The following RABGAP1 variants were observed in gnomAD, a reference collection of about 807,000 sequenced individuals.
The protein encoded by RABGAP1 is rab GTPase-activating protein 1.
Under a neutral mutation model 137.6 loss-of-function variants are expected in RABGAP1, and 23 were observed. That is an observed-to-expected ratio of 0.17 (90% CI 0.12 to 0.24). The LOEUF (loss-of-function observed/expected upper bound fraction) is 0.24. Ranked by LOEUF, RABGAP1 falls within the 10% of genes least tolerant of loss-of-function variation. RABGAP1 has a pLI of 1.00. For synonymous variants in RABGAP1, 451 were observed against 450.7 expected, an observed-to-expected ratio of 1.00 and a Z score of -0.01; for missense variants, 906 against 1,275.8, an observed-to-expected ratio of 0.71 and a Z score of 4.42.
In RABGAP1 at chr9:123,020,297, C is replaced by A; in HGVS notation, c.1644-12C>A. The A allele has an allele frequency of 6.6e-7, 1 of 1,515,610 alleles. No homozygotes were observed. Among genetic ancestry groups the A allele is most frequent in the South Asian group, 1.4e-5 (1 of 73,952 alleles). 93.9% of individuals were successfully genotyped at this position (1,515,610 alleles called of 1,614,324 possible). On this transcript the variant is annotated splice_polypyrimidine_tract_variant and intron_variant, in intron 12 of 25. Transcript: ENST00000373647. Reference sequence around the variant, plus strand: ...TCCTTTTATGATTTATGGTTTATGGCCTTATTTTTAGGCATCTCAACTTGA... The same window carrying A: ...TCCTTTTATGATTTATGGTTTATGGACTTATTTTTAGGCATCTCAACTTGA...
rs1336139643 is a variant in RABGAP1 at position 123,097,723 on chromosome 9, A to C, written c.2629-18A>C. 1 of 1,590,386 alleles carries C rather than the reference A, an allele frequency of 6.3e-7. No homozygotes were observed. The highest frequency in any genetic ancestry group is 1.4e-5 in the African/African-American group (1 of 73,104). ...TTCCCAATTCTTGTTTTGTGACAGC[A>C]TATCTTAAATGTTTCAGGCTGAGGA... On this transcript the variant is annotated intron_variant, in intron 21 of 25. Coordinates refer to ENST00000373647, the MANE Select transcript of RABGAP1 (RefSeq NM_012197.4).
intron 2 of RABGAP1, 112 bp from the exon 3 acceptor site, chr9:122,984,373 T>TA: frequency 1.1e-6 from 1 of 874,148 alleles, no homozygotes; most frequent in East Asian, 2.7e-5. Context: ...ATTCAGAAGA[T>TA]ATCTTTGTAT....
intron 15 of RABGAP1, 23 bp from the exon 16 acceptor site, chr9:123,073,529 A>G (rs1219405427): frequency 4.4e-6 from 7 of 1,602,336 alleles, no homozygotes; most frequent in Non-Finnish European, 5.1e-6. Flanking sequence ...CTCCCTACCC[A>G]ACAACTTGCC....
intron 11 of RABGAP1, among the ~76,000 whole-genome samples, chr9:123,011,829 C>A (rs1306841435): frequency 6.6e-6 from 1 of 152,080 alleles, no homozygotes; most frequent in Non-Finnish European, 1.5e-5. Flanking sequence ...ATGGCGCATG[C>A]CTGTAATCCT....
At chr9:123,020,106 C>A (rs1277252005) in intron 12 of RABGAP1, among the ~76,000 whole-genome samples, 1 of 149,362 alleles carries the variant, frequency 6.7e-6, no homozygotes, top group African/African-American at 2.5e-5. Flanking sequence ...TTTGCAGAAT[C>A]TATGTGGATT....
At chr9:123,057,729 C>T (rs185105948) in intron 13 of RABGAP1, among the ~76,000 whole-genome samples, 6 of 152,278 alleles carry the variant, frequency 3.9e-5, no homozygotes, top group East Asian at 1.9e-4. Flanking sequence ...TGTAGCGAGC[C>T]GAGATCACGC....
chr9:123,018,792 C>T (rs1340018103), intron 12 of RABGAP1, among the ~76,000 whole-genome samples: 1 of 152,176 alleles, frequency 6.6e-6, no homozygotes, highest in African/African-American at 2.4e-5. Flanking sequence ...TGAGAAAAAT[C>T]ACAGGCCTTT....
intron 22 of RABGAP1, among the ~76,000 whole-genome samples, chr9:123,098,252 A>C (rs1013759573): frequency 6.6e-6 from 1 of 152,250 alleles, no homozygotes; most frequent in Non-Finnish European, 1.5e-5. Flanking sequence ...ACCTGCAGGC[A>C]TGGGAAGAGC....
At chr9:123,050,056 A>G (rs779518140) in intron 13 of RABGAP1, among the ~76,000 whole-genome samples, 1 of 152,310 alleles carries the variant, frequency 6.6e-6, no homozygotes, top group Non-Finnish European at 1.5e-5. Context: ...ATCTAAGTAG[A>G]GCACCTAAAG....
intron 6 of RABGAP1, among the ~76,000 whole-genome samples, chr9:122,991,875 A>G (rs593930): frequency 0.62 from 94,800 of 151,844 alleles, 36,739 homozygotes; most frequent in Non-Finnish European, 0.86. Flanking sequence ...TGTTGGGATT[A>G]CAGGCATGAG....
At chr9:123,087,569 A>G (rs1367244536) in intron 19 of RABGAP1, among the ~76,000 whole-genome samples, 1 of 152,210 alleles carries the variant, frequency 6.6e-6, no homozygotes. Flanking sequence ...ATAAAAGTTT[A>G]CCCTAGCATT....
At chr9:123,027,102 T>TAATTC (rs1245363876) in intron 13 of RABGAP1, among the ~76,000 whole-genome samples, 1 of 141,298 alleles carries the variant, frequency 7.1e-6, no homozygotes, top group Admixed American at 7.8e-5. Context: ...TTTCTTTCTT[T>TAATTC]CTTTTCTTTT....
intron 21 of RABGAP1, among the ~76,000 whole-genome samples, chr9:123,091,855 C>G (rs2035041686): frequency 6.6e-6 from 1 of 151,996 alleles, no homozygotes; most frequent in Non-Finnish European, 1.5e-5. Context: ...GGTGCAAATT[C>G]CCAGCATATC....
Position 123,020,442 on chromosome 9 carries a change from C to T in RABGAP1, c.1777C>T (p.Arg593Cys), listed in dbSNP as rs536606696. 5.0e-6 allele frequency: 8 copies of T among 1,595,756 alleles called. No individual in the cohort carries two copies. Among genetic ancestry groups the T allele is most frequent in the Middle Eastern group, 1.7e-4 (1 of 6,016 alleles). Residue 593 changes from arginine (R) to cysteine (C), a missense_variant, in exon 13 of 26, where the codon CGC becomes TGC. This residue lies in a region of RABGAP1 where 212 missense variants were observed against 289.4 expected (regional missense o/e 0.73). Transcript: ENST00000373647. ...HNNDHLVEKY[R>C]ILITKESPQD... ...CAATGACCACCTGGTAGAGAAATAC[C>T]GCATTCTTATCACAAAGGTAAGGGG...
At chr9:122,945,223 C>T (rs1459750837) in intron 1 of RABGAP1, 1 of 146,400 alleles carries the variant, frequency 6.8e-6, no homozygotes, top group Non-Finnish European at 1.5e-5. Flanking sequence ...TGTGTTGATC[C>T]TGAGATCATT....
intron 2 of RABGAP1, among the ~76,000 whole-genome samples, chr9:122,981,325 A>G (rs1024887875): frequency 6.6e-6 from 1 of 152,084 alleles, no homozygotes; most frequent in Non-Finnish European, 1.5e-5. Flanking sequence ...TGCACCCAGC[A>G]AAAAACCAAC....
chr9:122,970,974 A>G (rs1835436276), intron 2 of RABGAP1, among the ~76,000 whole-genome samples: 1 of 152,206 alleles, frequency 6.6e-6, no homozygotes, highest in Non-Finnish European at 1.5e-5. Flanking sequence ...AACTATACAT[A>G]TGGGCTGACA....
At chr9:122,950,191 G>T (rs1834153670) in intron 1 of RABGAP1, among the ~76,000 whole-genome samples, 1 of 152,052 alleles carries the variant, frequency 6.6e-6, no homozygotes, top group Non-Finnish European at 1.5e-5. Context: ...AGTCTAGAAT[G>T]AAACACTTGT....
intron 6 of RABGAP1, among the ~76,000 whole-genome samples, chr9:122,990,984 A>G (rs1025745545): frequency 6.6e-6 from 1 of 150,900 alleles, no homozygotes; most frequent in South Asian, 2.1e-4. Flanking sequence ...ATCTGCATAC[A>G]TTGGAAGGGG....
Sources: gnomAD v4.1 joint callset for allele counts (sites outside exome capture counted in the v4.1 genomes callset) on GRCh38, gnomAD v4.1.1 for gene constraint, gnomAD v4.1.1 regional missense constraint, MANE v1.5 for transcripts, NCBI Gene and HGNC (gene_info 2026-07-23, HGNC 2026-07-21) for gene names.